CA10: variants seen among roughly 807,000 people sequenced by gnomAD.
The protein encoded by CA10 is carbonic anhydrase-related protein 10.
In CA10, 14 loss-of-function variants were observed where a neutral mutation model predicts 44.2. The observed-to-expected ratio is 0.32, with a 90% confidence interval of 0.21 to 0.50. The LOEUF (loss-of-function observed/expected upper bound fraction) is 0.50. Ranked by LOEUF, CA10 falls within the 20% of genes least tolerant of loss-of-function variation. The pLI is 0.99. For missense variants in CA10, 350 were observed against 409.7 expected (o/e 0.85, Z 1.26); for synonymous variants, 159 against 141.6 (o/e 1.12, Z -0.87).
chr17:51,921,212 C>T (rs186877755), intron 3 of CA10, among the ~76,000 whole-genome samples: 15 of 152,298 alleles, frequency 9.8e-5, no homozygotes, highest in African/African-American at 3.4e-4. Context: ...AGGGGATTCA[C>T]AGGTCAAGTC....
intron 3 of CA10, among the ~76,000 whole-genome samples, chr17:51,777,595 T>G (rs896399506): frequency 6.6e-5 from 10 of 152,138 alleles, no homozygotes; most frequent in African/African-American, 2.4e-4. Flanking sequence ...TCTTAAATAT[T>G]ATAGCATAGC....
At chr17:52,126,018 A>G (rs1051336948) in intron 1 of CA10, among the ~76,000 whole-genome samples, 8 of 152,206 alleles carry the variant, frequency 5.3e-5, no homozygotes, top group African/African-American at 1.2e-4. Context: ...GATGAAGGGA[A>G]TAAGCAAAGC....
intron 1 of CA10, among the ~76,000 whole-genome samples, chr17:52,122,232 G>A (rs1223443621): frequency 1.3e-5 from 2 of 152,156 alleles, no homozygotes; most frequent in African/African-American, 2.4e-5. Flanking sequence ...CTCAGTGACT[G>A]AGATAGATAA....
chr17:51,848,398 T>C (rs1157841656), intron 3 of CA10, among the ~76,000 whole-genome samples: 2 of 152,222 alleles, frequency 1.3e-5, no homozygotes, highest in African/African-American at 4.8e-5. Flanking sequence ...GATGATTGTT[T>C]CTAATTGTGC....
intron 1 of CA10, among the ~76,000 whole-genome samples, chr17:52,113,160 T>C (rs145742791): frequency 2.8e-4 from 43 of 152,298 alleles, no homozygotes; most frequent in African/African-American, 1.0e-3. Context: ...AATATAAACC[T>C]TGAATTCCTA....
chr17:51,810,821 G>A (rs1166115019), intron 3 of CA10, among the ~76,000 whole-genome samples: 4 of 152,198 alleles, frequency 2.6e-5, no homozygotes, highest in African/African-American at 4.8e-5. Flanking sequence ...AGGACTTGAT[G>A]CTTGCTTGAT....
chr17:51,991,979 T>C (rs1985057621), intron 2 of CA10, among the ~76,000 whole-genome samples: 1 of 152,124 alleles, frequency 6.6e-6, no homozygotes, highest in African/African-American at 2.4e-5. Flanking sequence ...ACTGTTCCTT[T>C]GTTTTTATTA....
intron 2 of CA10, among the ~76,000 whole-genome samples, chr17:51,954,217 A>G (rs532027119): frequency 6.6e-6 from 1 of 152,176 alleles, no homozygotes; most frequent in Non-Finnish European, 1.5e-5. Flanking sequence ...CTTGTATGCT[A>G]TTATAATTTC....
chr17:51,654,475 T>C (rs774072802), intron 4 of CA10, among the ~76,000 whole-genome samples: 2 of 152,138 alleles, frequency 1.3e-5, no homozygotes, highest in Admixed American at 6.5e-5. Flanking sequence ...CTCTGAAAAA[T>C]GGATATGATG....
chr17:51,634,784 C>T (rs998788869), intron 7 of CA10, among the ~76,000 whole-genome samples: 2 of 152,224 alleles, frequency 1.3e-5, no homozygotes, highest in Non-Finnish European at 2.9e-5. Flanking sequence ...AGAAGGACCC[C>T]AGAAATCCTT....
intron 3 of CA10, among the ~76,000 whole-genome samples, chr17:51,849,219 ACATATATGTGTGTG>A (rs1235022782): frequency 0.049 from 1,850 of 37,436 alleles, 23 homozygotes; most frequent in South Asian, 0.071. Flanking sequence ...ATATATATAT[ACATATATGTGTGTG>A]TATATATATA....
At chr17:51,664,729 T>C (rs1567794663) in intron 4 of CA10, among the ~76,000 whole-genome samples, 1 of 152,076 alleles carries the variant, frequency 6.6e-6, no homozygotes, top group Non-Finnish European at 1.5e-5. Context: ...GCTTCAGCAA[T>C]GTGGTGTCCA....
chr17:52,103,513 T>A (rs1988588919), intron 1 of CA10, among the ~76,000 whole-genome samples: 1 of 152,160 alleles, frequency 6.6e-6, no homozygotes, highest in Admixed American at 6.5e-5. Flanking sequence ...GTAAGCTCCC[T>A]CCTAATCAGA....
intron 2 of CA10, among the ~76,000 whole-genome samples, chr17:51,978,985 G>A (rs1488979852): frequency 6.6e-6 from 1 of 152,094 alleles, no homozygotes; most frequent in Non-Finnish European, 1.5e-5. Context: ...CCTCAGTAAA[G>A]CCACTTGCCT....
chr17:51,638,287 C>G (rs1267006189), intron 6 of CA10, among the ~76,000 whole-genome samples: 1 of 152,232 alleles, frequency 6.6e-6, no homozygotes, highest in African/African-American at 2.4e-5. Flanking sequence ...GGTAAGGGAA[C>G]CCCTCCAGGG....
chr17:51,966,324 C>T (rs1233528111), intron 2 of CA10, among the ~76,000 whole-genome samples: 2 of 151,870 alleles, frequency 1.3e-5, no homozygotes, highest in Non-Finnish European at 2.9e-5. Context: ...TATTATACTA[C>T]CAATGTTATT....
At chr17:52,065,991 T>TG (rs1987525724) in intron 2 of CA10, among the ~76,000 whole-genome samples, 1 of 152,238 alleles carries the variant, frequency 6.6e-6, no homozygotes, top group South Asian at 2.1e-4. Context: ...TCCTTCCTGC[T>TG]GCCCTGTGAA....
chr17:51,805,288 G>A (rs1907084270), intron 3 of CA10, among the ~76,000 whole-genome samples: 1 of 152,196 alleles, frequency 6.6e-6, no homozygotes, highest in Admixed American at 6.5e-5. Context: ...TGCAGCTACT[G>A]TGTGCTAGCG....
At chr17:52,097,591 C>A (rs1174345271) in intron 1 of CA10, among the ~76,000 whole-genome samples, 1 of 152,158 alleles carries the variant, frequency 6.6e-6, no homozygotes, top group African/African-American at 2.4e-5. Flanking sequence ...ATAAGTCTGA[C>A]CTTTCTTTCA....
Sources: gnomAD v4.1 joint callset for allele counts (sites outside exome capture counted in the v4.1 genomes callset) on GRCh38, gnomAD v4.1.1 for gene constraint, MANE v1.5 for transcripts, NCBI Gene and HGNC (gene_info 2026-07-23, HGNC 2026-07-21) for gene names.